Variants in CD109 observed in about 807,000 individuals in gnomAD.
The protein encoded by CD109 is CD109 antigen.
A neutral mutation model predicts 165.8 loss-of-function variants in CD109; 149 were observed. That is an observed-to-expected ratio of 0.90 (90% CI 0.79 to 1.03). The LOEUF (loss-of-function observed/expected upper bound fraction) is 1.03, where lower values mean the gene tolerates loss of function less well. Ranked by LOEUF, CD109 falls within the 50% of genes least tolerant of loss-of-function variation. The pLI is 0.00. For synonymous variants in CD109, 585 were observed against 592.1 expected, an observed-to-expected ratio of 0.99 and a Z score of 0.18; for missense variants, 1,712 against 1,677.8, an observed-to-expected ratio of 1.02 and a Z score of -0.36.
In CD109 at chr6:73,807,036, T is replaced by C. The variant is rs537990680; in HGVS notation, c.3153T>C (p.Tyr1051=). 1.9e-4 allele frequency: 305 copies of C among 1,613,530 alleles called. 3 individuals are homozygous for C. The South Asian group carries it at 3.1e-3, about 17-fold the overall frequency. ...AAAGTCCAGTAACACTTACAGCCTA[T>C]ATTGTAACTTCTCTCCTGGGATATA... The part of the protein sequence containing the change: ...GNKSPVTLTA[Y]IVTSLLGYRK... The change falls in exon 25 of 33, where the codon TAT becomes TAC. Residue 1051 remains tyrosine (Y), a synonymous_variant. Transcript: ENST00000287097.
At chr6:73,714,019 G>A (rs974070902) in intron 2 of CD109, among the ~76,000 whole-genome samples, 3 of 152,196 alleles carry the variant, frequency 2.0e-5, no homozygotes, top group African/African-American at 7.2e-5. Flanking sequence ...CAGTTATGGA[G>A]CTAGCATAAT....
chr6:73,746,066 G>A (rs1772973504), intron 5 of CD109, among the ~76,000 whole-genome samples: 1 of 152,204 alleles, frequency 6.6e-6, no homozygotes, highest in Non-Finnish European at 1.5e-5. Flanking sequence ...TTTACCTTTA[G>A]GTAGATTCAC....
rs1372692700 is a variant in CD109 at position 73,768,123 on chromosome 6, A to T, written c.1566A>T (p.Glu522Asp). The T allele has an allele frequency of 3.1e-6, 5 of 1,612,466 alleles. No individual in the cohort carries two copies. In the African/African-American group the frequency reaches 5.3e-5, roughly 17 times the overall value. The change falls in exon 14 of 33, where the codon GAA (glutamate) becomes GAT (aspartate). Residue 522 changes from glutamate (E) to aspartate (D), a missense_variant. Physicochemically the swap from Glu to Asp is conservative, Grantham distance 45. Transcript: ENST00000287097. ...CAACAATGTTCTCTTTAACACCAGA[A>T]AATTCTTGGACTCCAAAAGCCTGTG... The part of the protein sequence containing the change: ...QNSTMFSLTP[E>D]NSWTPKACVI...
intron 4 of CD109, among the ~76,000 whole-genome samples, chr6:73,732,056 GAGA>G (rs1313421016): frequency 1.3e-5 from 2 of 152,166 alleles, no homozygotes; most frequent in African/African-American, 2.4e-5. Flanking sequence ...TATTTAAACG[GAGA>G]AGAACACTGG....
At chr6:73,742,638 C>A (rs1308951785) in intron 5 of CD109, among the ~76,000 whole-genome samples, 1 of 152,178 alleles carries the variant, frequency 6.6e-6, no homozygotes, top group Non-Finnish European at 1.5e-5. Context: ...CTGAGAGATT[C>A]CTGGTCATTT....
At chr6:73,793,948 C>T (rs1775060540) in intron 23 of CD109, among the ~76,000 whole-genome samples, 1 of 152,018 alleles carries the variant, frequency 6.6e-6, no homozygotes, top group African/African-American at 2.4e-5. Flanking sequence ...TTTTTTATAA[C>T]AAATGGATTA....
chr6:73,774,285 G>T (rs1267611543), intron 15 of CD109, among the ~76,000 whole-genome samples: 1 of 152,166 alleles, frequency 6.6e-6, no homozygotes, highest in African/African-American at 2.4e-5. Flanking sequence ...AATATCTATT[G>T]GTGAAGGCTG....
chr6:73,735,572 C>T (rs1420302764), intron 4 of CD109, among the ~76,000 whole-genome samples: 3 of 151,902 alleles, frequency 2.0e-5, no homozygotes, highest in Admixed American at 2.0e-4. Flanking sequence ...GCTGGAATGG[C>T]TTGGATAAAT....
chr6:73,690,031 TTC>T, the CD109 span, among the ~76,000 whole-genome samples: 1 of 152,232 alleles, frequency 6.6e-6, no homozygotes, highest in Non-Finnish European at 1.5e-5. Flanking sequence ...TCATGATATA[TTC>T]TTTTTTATTC....
chr6:73,819,778 G>A (rs1036456597), intron 31 of CD109, among the ~76,000 whole-genome samples: 11 of 152,132 alleles, frequency 7.2e-5, no homozygotes, highest in African/African-American at 2.7e-4. Context: ...CAAATTTAAG[G>A]TTTTAGTTTA....
chr6:73,744,745 C>G (rs1772914935), intron 5 of CD109, among the ~76,000 whole-genome samples: 1 of 152,058 alleles, frequency 6.6e-6, no homozygotes, highest in Admixed American at 6.5e-5. Flanking sequence ...AGAAGCCACC[C>G]TAGGAGGACC....
At chr6:73,755,749 C>T (rs1299348794) in intron 5 of CD109, among the ~76,000 whole-genome samples, 1 of 151,470 alleles carries the variant, frequency 6.6e-6, no homozygotes, top group Non-Finnish European at 1.5e-5. Flanking sequence ...TGCTTGAGCT[C>T]AGGAGTTTGA....
At position 73,771,565 on chromosome 6, in the gene CD109, A is replaced by G. The variant is rs778385976; in HGVS notation, c.1811A>G (p.Asp604Gly). Residue 604 changes from aspartate (D) to glycine (G), a missense_variant, in exon 15 of 33, where the codon GAT (aspartate) becomes GGT (glycine). Physicochemically the swap from Asp to Gly is moderately conservative, Grantham distance 94. Coordinates refer to ENST00000287097, the MANE Select transcript of CD109 (RefSeq NM_133493.5). ...KSVNLMNASN[D>G]ITMENVVHEL... ...GTGAATCTGATGAATGCCTCTAATGATATTACAATGGAAAATGTGAGTTTA... is the reference window on the plus strand; with the variant it reads ...GTGAATCTGATGAATGCCTCTAATGGTATTACAATGGAAAATGTGAGTTTA... 1.9e-6 allele frequency: 3 copies of G among 1,576,076 alleles called. No individual in the cohort carries two copies. The East Asian group carries it at 6.9e-5, about 36-fold the overall frequency.
At chr6:73,687,636 T>C in the CD109 span, among the ~76,000 whole-genome samples, 23 of 152,164 alleles carry the variant, frequency 1.5e-4, no homozygotes, top group African/African-American at 5.6e-4. Flanking sequence ...ATCCATATCC[T>C]TTCCCACATA....
chr6:73,693,580 T>G (rs1163897346), upstream of CD109, among the ~76,000 whole-genome samples: 1 of 152,212 alleles, frequency 6.6e-6, no homozygotes, highest in Non-Finnish European at 1.5e-5. Context: ...AGACAGAGTC[T>G]TGCTCTGTCA....
intron 7 of CD109, 139 bp from the exon 8 acceptor site, chr6:73,762,245 G>C: frequency 1.6e-6 from 1 of 616,234 alleles, no homozygotes; most frequent in Non-Finnish European, 2.8e-6. Flanking sequence ...ACAGGCGTGA[G>C]CCACCGCTCC....
chr6:73,815,140 G>A lies in CD109; in HGVS notation c.3911+17G>A. On this transcript the variant is annotated intron_variant, in intron 30 of 32. Coordinates refer to ENST00000287097, the MANE Select transcript of CD109 (RefSeq NM_133493.5). The stretch of plus-strand genomic sequence containing the variant: ...GTGTACAAGGTAAGTGTCTGCTTAG[G>A]TCTCTCTTCTTTTTTTCCTTTAAAA... The A allele has an allele frequency of 6.5e-7, 1 of 1,544,876 alleles. No homozygotes were observed. The highest frequency in any genetic ancestry group is 8.6e-7 in the Non-Finnish European group (1 of 1,156,668).
Position 73,792,636 on chromosome 6 carries a change from T to C in CD109, c.2712T>C (p.Leu904=). 1.2e-6 allele frequency: 2 copies of C among 1,612,922 alleles called. No homozygotes were observed. Among genetic ancestry groups the C allele is most frequent in the Non-Finnish European group, 1.7e-6 (2 of 1,179,908 alleles). ...RVQITAIGDV[L]GPSINGLASL... Reference sequence around the variant, plus strand: ...GTCTTGTGCTTCCAGGAGATGTTCTTGGTCCTTCCATCAATGGCTTAGCCT... The same window carrying C: ...GTCTTGTGCTTCCAGGAGATGTTCTCGGTCCTTCCATCAATGGCTTAGCCT... Residue 904 remains leucine, a synonymous_variant, in exon 23 of 33, where the codon CTT becomes CTC. Coordinates refer to ENST00000287097, the MANE Select transcript of CD109 (RefSeq NM_133493.5).
chr6:73,811,263 G>T, intron 28 of CD109, 116 bp downstream of exon 28: 1 of 1,186,516 alleles, frequency 8.4e-7, no homozygotes, highest in Non-Finnish European at 1.1e-6. Flanking sequence ...GCTCTGTAGA[G>T]TAATAGGGAG....
Sources: allele counts gnomAD v4.1 joint callset (sites outside exome capture counted in the v4.1 genomes callset), GRCh38; gene constraint gnomAD v4.1.1; transcripts MANE v1.5; gene names NCBI Gene and HGNC (gene_info 2026-07-23, HGNC 2026-07-21).